UNKL: variants seen among roughly 807,000 people sequenced by gnomAD.
UNKL encodes the protein putative E3 ubiquitin-protein ligase UNKL.
In UNKL, 60 loss-of-function variants were observed where a neutral mutation model predicts 78.0. That is an observed-to-expected ratio of 0.77 (90% CI 0.63 to 0.95). UNKL has a LOEUF of 0.95. UNKL is among the 40% of genes least tolerant of loss of function. The pLI is 0.00. For missense variants in UNKL, 1,159 were observed against 1,045.7 expected (o/e 1.11, Z -1.49); for synonymous variants, 608 against 474.8 (o/e 1.28, Z -3.65).
At chr16:1,375,535 G>A (rs886537274) in intron 10 of UNKL, among the ~76,000 whole-genome samples, 4 of 152,210 alleles carry the variant, frequency 2.6e-5, no homozygotes, top group Non-Finnish European at 4.4e-5. Flanking sequence ...CAGAGAACCT[G>A]AACCCCTGGG....
rs772534688 is a variant in UNKL at position 1,367,637 on chromosome 16, G to A, written c.1788+19C>T. ...GGCCCTCCCTCCCCCTCACCTGTCTGGCCCCCCCACACACTCACCTGCTTC... is the reference window on the plus strand; with the variant it reads ...GGCCCTCCCTCCCCCTCACCTGTCTAGCCCCCCCACACACTCACCTGCTTC... On this transcript the variant is annotated intron_variant, in intron 13 of 14. Transcript: ENST00000389221. The A allele has an allele frequency of 1.4e-6, 2 of 1,465,604 alleles. No individual in the cohort carries two copies. The highest frequency in any genetic ancestry group is 1.8e-6 in the Non-Finnish European group (2 of 1,099,630). The allele number at this position is 1,465,604 out of a possible 1,614,324, so 90.8% of individuals were successfully genotyped here.
chr16:1,410,376 G>A (rs764097503), intron 2 of UNKL, among the ~76,000 whole-genome samples: 16 of 152,230 alleles, frequency 1.1e-4, no homozygotes, highest in Non-Finnish European at 2.1e-4. Flanking sequence ...GGGAGGCCGA[G>A]GCGGGTGGAT....
At chr16:1,389,055 C>CCCACGG (rs1555457390) in intron 9 of UNKL, among the ~76,000 whole-genome samples, 1 of 151,032 alleles carries the variant, frequency 6.6e-6, no homozygotes, top group Non-Finnish European at 1.5e-5. Flanking sequence ...CTTGCCCCCT[C>CCCACGG]CCCCGGCCCC....
chr16:1,383,399 A>G (rs1436732164), intron 10 of UNKL: 1 of 171,630 alleles, frequency 5.8e-6, no homozygotes, highest in Non-Finnish European at 1.3e-5. Context: ...ACACAGGCCA[A>G]GAGCTGTGCC....
intron 11 of UNKL, among the ~76,000 whole-genome samples, chr16:1,370,918 T>C (rs970166047): frequency 9.2e-5 from 14 of 151,806 alleles, no homozygotes; most frequent in South Asian, 2.1e-4. Context: ...CCCGTCTCTA[T>C]TAAAAATACA....
intron 3 of UNKL, among the ~76,000 whole-genome samples, chr16:1,402,830 A>G (rs2142216364): frequency 6.8e-6 from 1 of 146,242 alleles, no homozygotes; most frequent in South Asian, 2.1e-4. Context: ...TAAACATACA[A>G]AAAAAAAAAA....
rs549665427 is a variant in UNKL at position 1,377,694 on chromosome 16, A to G, written c.1265-6083T>C. ...CTCCTGTGGCCTGGACCCGCCCAAC[A>G]CAGTGGCTCTGCAGCCCCGAGCCCA... On this transcript the variant is annotated intron_variant, in intron 10 of 14. Transcript: ENST00000389221. Among the ~76,000 whole-genome samples, 249 of 152,028 alleles carry G rather than the reference A, an allele frequency of 1.6e-3. 3 individuals carry two copies. Among genetic ancestry groups the G allele is most frequent in the Non-Finnish European group, 4.7e-4 (32 of 67,938 alleles).
intron 8 of UNKL, among the ~76,000 whole-genome samples, chr16:1,392,439 C>G (rs908906932): frequency 7.0e-6 from 1 of 143,142 alleles, no homozygotes; most frequent in Non-Finnish European, 1.6e-5. Context: ...CTCTTCCCCC[C>G]TCTTTTTTTG....
In UNKL at chr16:1,364,759, CGAT is replaced by C. The variant is rs890295706; in HGVS notation, c.*1478_*1480del. 2 of 152,178 alleles carry C rather than the reference CGAT, an allele frequency of 1.3e-5. No homozygotes were observed. Among genetic ancestry groups the C allele is most frequent in the East Asian group, 1.9e-4 (1 of 5,186 alleles). The allele number at this position is 152,178 out of a possible 1,614,324, so 9.4% of individuals were successfully genotyped here. ...CCTCACTGGCCACATGGATGAGCTC[CGAT>C]GATAACTGGCAGCGCGGGTCAGGTG... On this transcript the variant is annotated 3_prime_UTR_variant, in exon 15 of 15. Transcript: ENST00000389221.
At chr16:1,402,631 C>T (rs1420771615) in intron 3 of UNKL, among the ~76,000 whole-genome samples, 2 of 151,554 alleles carry the variant, frequency 1.3e-5, no homozygotes, top group Admixed American at 6.6e-5. Context: ...CCACTGCACT[C>T]CAGCCTGGGT....
At chr16:1,380,001 C>A (rs112875107) in intron 10 of UNKL, among the ~76,000 whole-genome samples, 2 of 152,186 alleles carry the variant, frequency 1.3e-5, no homozygotes, top group Non-Finnish European at 2.9e-5. Context: ...GCTCGCGGGG[C>A]GGGGCGGCGT....
chr16:1,383,278 A>G (rs2036675494), intron 10 of UNKL, among the ~76,000 whole-genome samples: 1 of 151,176 alleles, frequency 6.6e-6, no homozygotes, highest in African/African-American at 2.4e-5. Context: ...GTCTCAAAAA[A>G]AAAAAAAAAA....
rs576043314 is a variant in UNKL at position 1,387,396 on chromosome 16, C to A, written c.1087-2011G>T. The stretch of plus-strand genomic sequence containing the variant: ...GTGGCAACCCGCCCCCTATCCCTTG[C>A]ACTTCCTGTCCCTGCTTCAGACCCT... On this transcript the variant is annotated intron_variant, in intron 9 of 14. Transcript: ENST00000389221. The surrounding 1 kb of genome is among the most constrained non-coding windows in gnomAD (Gnocchi z 4.1). Among the ~76,000 whole-genome samples the A allele has an allele frequency of 2.5e-4, 38 of 152,306 alleles. No individual in the cohort carries two copies. Among genetic ancestry groups the A allele is most frequent in the African/African-American group, 8.4e-4 (35 of 41,574 alleles).
intron 8 of UNKL, among the ~76,000 whole-genome samples, chr16:1,391,996 C>G (rs2037071025): frequency 6.6e-6 from 1 of 152,108 alleles, no homozygotes; most frequent in African/African-American, 2.4e-5. Context: ...CCCTGAGTTC[C>G]ATTTCTTACA....
chr16:1,392,516 C>T (rs1471900188), intron 8 of UNKL, among the ~76,000 whole-genome samples: 1 of 152,126 alleles, frequency 6.6e-6, no homozygotes, highest in East Asian at 1.9e-4. Context: ...CTCACCACAA[C>T]CTCCGTCTCC....
intron 2 of UNKL, among the ~76,000 whole-genome samples, chr16:1,409,534 C>T (rs879343165): frequency 2.0e-5 from 3 of 152,130 alleles, no homozygotes; most frequent in Admixed American, 6.5e-5. Context: ...TGCATATACC[C>T]AGGTATCCAA....
Position 1,366,376 on chromosome 16 carries a change from G to A in UNKL, c.2066C>T (p.Ala689Val). The change falls in exon 15 of 15, where the codon GCC becomes GTC. Residue 689 changes from alanine to valine, a missense_variant. Ala to Val is a moderately conservative substitution (Grantham distance 64). Coordinates refer to ENST00000389221, the MANE Select transcript of UNKL (RefSeq NM_001372107.1). ...AVDGVIFQLR[A>V]KQCVACRERA... Reference sequence around the variant, plus strand: ...CTCCCGGCAGGCCACACACTGCTTGGCGCGGAGCTGGAAGATCACCTGCAG... The same window carrying A: ...CTCCCGGCAGGCCACACACTGCTTGACGCGGAGCTGGAAGATCACCTGCAG... The A allele has an allele frequency of 1.3e-6, 2 of 1,596,552 alleles. No individual in the cohort carries two copies. The highest frequency in any genetic ancestry group is 1.7e-6 in the Non-Finnish European group (2 of 1,169,874).
Position 1,367,222 on chromosome 16 carries a change from T to A in UNKL, c.1916A>T (p.Glu639Val). Residue 639 changes from glutamate to valine, a missense_variant, in exon 14 of 15, where the codon GAG (glutamate) becomes GTG (valine). Glu to Val is a moderately radical substitution (Grantham distance 121, BLOSUM62 -2). Coordinates refer to ENST00000389221, the MANE Select transcript of UNKL (RefSeq NM_001372107.1). ...VEAQVKQLQE[E>V]LEGLGVASTL... ...GGAGGCTACGCCCAGGCCCTCCAGC[T>A]CCTCCTGCAGCTGCTTCACCTGTGC... 8 of 1,602,514 alleles carry A rather than the reference T, an allele frequency of 5.0e-6. No homozygotes were observed. The highest frequency in any genetic ancestry group is 6.8e-6 in the Non-Finnish European group (8 of 1,177,302).
At chr16:1,372,174 G>A (rs1273603313) in intron 10 of UNKL, among the ~76,000 whole-genome samples, 3 of 152,078 alleles carry the variant, frequency 2.0e-5, no homozygotes, top group Admixed American at 6.5e-5. Flanking sequence ...TGAGGCGGAA[G>A]AATGGTGTGA....
Sources: gnomAD v4.1 joint callset for allele counts (sites outside exome capture counted in the v4.1 genomes callset) on GRCh38, gnomAD v4.1.1 for gene constraint, Gnocchi (gnomAD v3.1) non-coding constraint, MANE v1.5 for transcripts, NCBI Gene and HGNC (gene_info 2026-07-23, HGNC 2026-07-21) for gene names.